The following RABGAP1L variants were observed in gnomAD, a reference collection of about 807,000 sequenced individuals.
RABGAP1L encodes rab GTPase-activating protein 1-like.
In RABGAP1L, 63 loss-of-function variants were observed where a neutral mutation model predicts 137.7. The observed-to-expected ratio is 0.46, with a 90% CI of 0.37 to 0.56. The LOEUF (loss-of-function observed/expected upper bound fraction) is 0.56, where lower values mean the gene tolerates loss of function less well. Among genes scored for constraint, RABGAP1L ranks in the 20% least tolerant of loss-of-function variants. The probability of loss-of-function intolerance (pLI) is 0.00; values close to 1 mark genes in which losing one functional copy is unlikely to be tolerated. For synonymous variants in RABGAP1L, 431 were observed against 433.7 expected, an observed-to-expected ratio of 0.99 and a Z score of 0.08; for missense variants, 1,095 against 1,244.0, an observed-to-expected ratio of 0.88 and a Z score of 1.80.
intron 13 of RABGAP1L, among the ~76,000 whole-genome samples, chr1:174,409,346 T>C (rs1326701320): frequency 6.6e-6 from 1 of 152,184 alleles, no homozygotes; most frequent in African/African-American, 2.4e-5. Flanking sequence ...TCTTATAATT[T>C]CTTACACCTG....
intron 13 of RABGAP1L, among the ~76,000 whole-genome samples, chr1:174,471,678 G>C (rs1657952380): frequency 6.6e-6 from 1 of 152,090 alleles, no homozygotes; most frequent in Non-Finnish European, 1.5e-5. Flanking sequence ...GGTGGATTTT[G>C]AAACAGTAGA....
intron 13 of RABGAP1L, among the ~76,000 whole-genome samples, chr1:174,453,800 T>G (rs1175902287): frequency 1.3e-5 from 2 of 152,230 alleles, no homozygotes; most frequent in East Asian, 3.8e-4. Context: ...AGTGCTAGTC[T>G]TGCTCTGTAT....
chr1:174,378,629 G>A (rs1240976141), intron 12 of RABGAP1L, among the ~76,000 whole-genome samples: 1 of 152,020 alleles, frequency 6.6e-6, no homozygotes, highest in Non-Finnish European at 1.5e-5. Flanking sequence ...TTTTTGATGG[G>A]ATTGTTTGTT....
chr1:174,872,347 C>T (rs145794471), intron 19 of RABGAP1L, among the ~76,000 whole-genome samples: 1 of 152,050 alleles, frequency 6.6e-6, no homozygotes, highest in Non-Finnish European at 1.5e-5. Context: ...TGTAAAAACT[C>T]AGTAGGTGTT....
chr1:174,917,087 C>T (rs750894210), intron 19 of RABGAP1L, among the ~76,000 whole-genome samples: 5 of 152,124 alleles, frequency 3.3e-5, no homozygotes, highest in Non-Finnish European at 7.3e-5. Context: ...TTCTCTTCCT[C>T]TTCTTGTAAG....
chr1:174,272,254 A>G (rs61828596), intron 7 of RABGAP1L, among the ~76,000 whole-genome samples, 160 bp from the exon 8 acceptor site: 3,027 of 152,064 alleles, frequency 0.02, 49 homozygotes, highest in Middle Eastern at 0.054. Context: ...TTTATTATCT[A>G]TCTTCATAAA....
intron 13 of RABGAP1L, among the ~76,000 whole-genome samples, chr1:174,469,340 A>C (rs1050229370): frequency 6.6e-6 from 1 of 152,214 alleles, no homozygotes; most frequent in South Asian, 2.1e-4. Context: ...CTTTCTAGTA[A>C]ATCAGGTATT....
intron 15 of RABGAP1L, among the ~76,000 whole-genome samples, chr1:174,692,683 CT>C (rs1335189465): frequency 4.6e-5 from 7 of 152,084 alleles, no homozygotes; most frequent in Non-Finnish European, 1.0e-4. Context: ...ACCTATGCAT[CT>C]GTTTATTCTT....
At chr1:174,348,716 C>G (rs1259323864) in intron 11 of RABGAP1L, among the ~76,000 whole-genome samples, 2 of 148,446 alleles carry the variant, frequency 1.3e-5, no homozygotes, top group African/African-American at 4.9e-5. Context: ...TTGCACCGCC[C>G]TTAATCCATT....
intron 13 of RABGAP1L, among the ~76,000 whole-genome samples, chr1:174,455,062 A>G (rs1655893722): frequency 6.6e-6 from 1 of 152,216 alleles, no homozygotes; most frequent in Non-Finnish European, 1.5e-5. Flanking sequence ...TCCAAAGGTG[A>G]AGAAAATAAC....
At chr1:174,479,147 G>A (rs1339556107) in intron 13 of RABGAP1L, among the ~76,000 whole-genome samples, 1 of 152,214 alleles carries the variant, frequency 6.6e-6, no homozygotes, top group Non-Finnish European at 1.5e-5. Context: ...TGTAAGTTCT[G>A]ATTAAGCAGG....
intron 1 of RABGAP1L, 26 bp from the exon 2 acceptor site, chr1:174,219,099 T>C: frequency 1.4e-6 from 2 of 1,470,504 alleles, no homozygotes; most frequent in Non-Finnish European, 1.8e-6. Flanking sequence ...GTAGGTTTTT[T>C]TTTTTAATCC....
At chr1:174,573,314 T>TTG (rs918671321) in intron 13 of RABGAP1L, among the ~76,000 whole-genome samples, 5 of 151,248 alleles carry the variant, frequency 3.3e-5, no homozygotes, top group South Asian at 2.1e-4. Flanking sequence ...TATATATAAT[T>TTG]TGTGTGTGTG....
intron 18 of RABGAP1L, chr1:174,800,440 G>A (rs896122271): frequency 1.9e-6 from 3 of 1,550,802 alleles, no homozygotes; most frequent in African/African-American, 1.4e-5. Context: ...ATGAGTATGC[G>A]TGTCGAGTGC....
chr1:174,710,624 G>A (rs2148552110), intron 17 of RABGAP1L, among the ~76,000 whole-genome samples: 1 of 152,288 alleles, frequency 6.6e-6, no homozygotes, highest in South Asian at 2.1e-4. Context: ...ACAAGCAAAT[G>A]CTGAGGGATT....
chr1:174,548,658 C>A, intron 13 of RABGAP1L: 2 of 770,042 alleles, frequency 2.6e-6, no homozygotes, highest in Non-Finnish European at 3.2e-6. Context: ...TGGCTAGGTT[C>A]CCCTCATTTT....
At chr1:174,403,183 G>A (rs972635558) in intron 13 of RABGAP1L, among the ~76,000 whole-genome samples, 1 of 149,094 alleles carries the variant, frequency 6.7e-6, no homozygotes, top group Admixed American at 6.7e-5. Flanking sequence ...CTTTTCTTTC[G>A]AAAGTGTATG....
chr1:174,502,243 C>T (rs1297368235), intron 13 of RABGAP1L, among the ~76,000 whole-genome samples: 1 of 151,570 alleles, frequency 6.6e-6, no homozygotes, highest in African/African-American at 2.4e-5. Context: ...ATATTAGCAA[C>T]CAAATTTATA....
intron 11 of RABGAP1L, among the ~76,000 whole-genome samples, chr1:174,320,527 G>A (rs980287480): frequency 2.4e-4 from 36 of 152,188 alleles, no homozygotes; most frequent in African/African-American, 7.5e-4. Context: ...GAATTGTTGC[G>A]GGAAGTCAGG....
Sources: allele counts gnomAD v4.1 joint callset (sites outside exome capture counted in the v4.1 genomes callset), GRCh38; gene constraint gnomAD v4.1.1; transcripts MANE v1.5; gene names NCBI Gene and HGNC (gene_info 2026-07-23, HGNC 2026-07-21).